Variants in SPAG16 observed in about 807,000 individuals in gnomAD.
SPAG16 encodes sperm-associated antigen 16 protein.
Under a neutral mutation model 80.4 loss-of-function variants are expected in SPAG16, and 86 were observed. The ratio of observed to expected loss-of-function variants is 1.07; its 90% CI spans 0.90 to 1.28. The LOEUF is 1.28. SPAG16 is among the 50% of genes most tolerant of loss of function. The probability of loss-of-function intolerance (pLI) is 0.00; values close to 1 mark genes in which losing one functional copy is unlikely to be tolerated. For missense variants in SPAG16, 870 were observed against 765.3 expected (o/e 1.14, Z -1.61); for synonymous variants, 294 against 265.9 (o/e 1.11, Z -1.03).
chr2:213,885,035 C>A (rs935097498), intron 11 of SPAG16, among the ~76,000 whole-genome samples: 2 of 152,138 alleles, frequency 1.3e-5, no homozygotes, highest in African/African-American at 2.4e-5. Flanking sequence ...AACTGGTAGA[C>A]TCCTTTGGAG....
At chr2:213,902,334 C>T (rs2077252560) in intron 11 of SPAG16, among the ~76,000 whole-genome samples, 1 of 152,114 alleles carries the variant, frequency 6.6e-6, no homozygotes, top group South Asian at 2.1e-4. Flanking sequence ...TAAAGACATA[C>T]CTGAGACTGG....
At chr2:213,618,975 T>G (rs2061686550) in intron 10 of SPAG16, among the ~76,000 whole-genome samples, 4 of 152,136 alleles carry the variant, frequency 2.6e-5, no homozygotes. Flanking sequence ...TTAACAAAGT[T>G]AAACATTTTA....
chr2:213,792,274 G>GT (rs1181459849), intron 10 of SPAG16, among the ~76,000 whole-genome samples: 2 of 152,174 alleles, frequency 1.3e-5, no homozygotes, highest in Non-Finnish European at 2.9e-5. Flanking sequence ...TACTGACTGT[G>GT]CAATATTCCA....
chr2:213,327,971 G>A (rs905599137), intron 5 of SPAG16, among the ~76,000 whole-genome samples: 2 of 151,984 alleles, frequency 1.3e-5, no homozygotes, highest in African/African-American at 2.4e-5. Context: ...AATTGAATAC[G>A]CTTTGAAGCT....
intron 10 of SPAG16, among the ~76,000 whole-genome samples, chr2:213,546,220 A>G (rs1280384907): frequency 1.3e-5 from 2 of 152,014 alleles, no homozygotes; most frequent in African/African-American, 4.8e-5. Context: ...CTCTCTGTAA[A>G]CACTTAGGCT....
At chr2:213,830,594 T>C (rs2073577691) in intron 10 of SPAG16, among the ~76,000 whole-genome samples, 1 of 152,178 alleles carries the variant, frequency 6.6e-6, no homozygotes, top group Non-Finnish European at 1.5e-5. Context: ...TCCAGTAAGT[T>C]GTTCTTTTAT....
chr2:214,391,216 T>G (rs369490270), intron 15 of SPAG16, among the ~76,000 whole-genome samples: 5 of 152,170 alleles, frequency 3.3e-5, no homozygotes, highest in African/African-American at 1.2e-4. Flanking sequence ...GTAGCTTCAA[T>G]TTCCTCTTCT....
intron 10 of SPAG16, among the ~76,000 whole-genome samples, chr2:213,612,491 C>T (rs2061468893): frequency 6.6e-6 from 1 of 152,134 alleles, no homozygotes; most frequent in Admixed American, 6.5e-5. Context: ...ATATTTTAAA[C>T]TTAACATGTG....
intron 10 of SPAG16, among the ~76,000 whole-genome samples, chr2:213,806,378 T>G (rs1057426795): frequency 6.6e-6 from 1 of 152,210 alleles, no homozygotes; most frequent in Non-Finnish European, 1.5e-5. Context: ...TAATATGTTT[T>G]ACATTATTAG....
chr2:213,717,581 A>T (rs2066296316), intron 10 of SPAG16, among the ~76,000 whole-genome samples: 1 of 151,902 alleles, frequency 6.6e-6, no homozygotes, highest in African/African-American at 2.4e-5. Flanking sequence ...AAGTTTCCAG[A>T]TGGTCTTCAG....
At chr2:214,005,241 T>C (rs546108334) in intron 12 of SPAG16, among the ~76,000 whole-genome samples, 2 of 152,182 alleles carry the variant, frequency 1.3e-5, no homozygotes, top group Non-Finnish European at 2.9e-5. Flanking sequence ...TTTGCGAAAA[T>C]GTTTCAGTTG....
At chr2:214,303,788 GT>G (rs564627988) in intron 15 of SPAG16, among the ~76,000 whole-genome samples, 223 of 151,648 alleles carry the variant, frequency 1.5e-3, no homozygotes, top group Non-Finnish European at 2.7e-3. Flanking sequence ...CAGTATTTAG[GT>G]TTTTTTTCCT....
intron 10 of SPAG16, among the ~76,000 whole-genome samples, chr2:213,705,586 C>T (rs1462057846): frequency 6.7e-6 from 1 of 149,732 alleles, no homozygotes; most frequent in Non-Finnish European, 1.5e-5. Flanking sequence ...AAACTTGGTG[C>T]ATTTATAACA....
At chr2:213,454,053 A>C (rs974809182) in intron 9 of SPAG16, among the ~76,000 whole-genome samples, 1 of 152,076 alleles carries the variant, frequency 6.6e-6, no homozygotes, top group Non-Finnish European at 1.5e-5. Context: ...ATTCTTCAGT[A>C]TGAAAGTAGT....
At chr2:214,198,157 C>G (rs1442317662) in intron 15 of SPAG16, among the ~76,000 whole-genome samples, 1 of 151,748 alleles carries the variant, frequency 6.6e-6, no homozygotes, top group African/African-American at 2.4e-5. Context: ...ATAAGTTCTT[C>G]CTAGTGATGA....
At chr2:213,808,804 A>G (rs2071934604) in intron 10 of SPAG16, among the ~76,000 whole-genome samples, 1 of 152,212 alleles carries the variant, frequency 6.6e-6, no homozygotes, top group African/African-American at 2.4e-5. Context: ...GTAAAGATAC[A>G]GAAAAGTGTC....
chr2:213,566,760 A>G (rs998453903), intron 10 of SPAG16, among the ~76,000 whole-genome samples: 6 of 152,242 alleles, frequency 3.9e-5, no homozygotes, highest in Non-Finnish European at 8.8e-5. Flanking sequence ...TCATAACTTA[A>G]GAAAACTGCC....
intron 15 of SPAG16, among the ~76,000 whole-genome samples, chr2:214,208,627 G>A (rs953687600): frequency 3.9e-5 from 6 of 152,108 alleles, no homozygotes; most frequent in African/African-American, 1.4e-4. Context: ...CTCCCACTGT[G>A]TAACTGGATT....
intron 10 of SPAG16, among the ~76,000 whole-genome samples, chr2:213,739,107 T>C (rs1440714265): frequency 6.6e-6 from 1 of 152,254 alleles, no homozygotes; most frequent in Non-Finnish European, 1.5e-5. Context: ...GGCAATTTGC[T>C]CATCTAATAT....
Sources: allele counts gnomAD v4.1 joint callset (sites outside exome capture counted in the v4.1 genomes callset), GRCh38; gene constraint gnomAD v4.1.1; transcripts MANE v1.5; gene names NCBI Gene and HGNC (gene_info 2026-07-23, HGNC 2026-07-21).